Variants in ENPP2 observed in about 807,000 individuals in gnomAD.
The protein encoded by ENPP2 is autotaxin.
A neutral mutation model predicts 120.2 loss-of-function variants in ENPP2; 51 were observed. The ratio of observed to expected loss-of-function variants is 0.42; its 90% CI spans 0.34 to 0.54. The LOEUF (loss-of-function observed/expected upper bound fraction) is 0.54, where lower values mean the gene tolerates loss of function less well. Ranked by LOEUF, ENPP2 falls within the 20% of genes least tolerant of loss-of-function variation. The pLI is 0.04. For missense variants in ENPP2, 920 were observed against 1,066.5 expected, an observed-to-expected ratio of 0.86 and a Z score of 1.91; for synonymous variants, 365 against 366.4, an observed-to-expected ratio of 1.00 and a Z score of 0.04.
At chr8:119,620,802 G>A (rs1356605361) in intron 4 of ENPP2, among the ~76,000 whole-genome samples, 1 of 152,198 alleles carries the variant, frequency 6.6e-6, no homozygotes, top group Non-Finnish European at 1.5e-5. Flanking sequence ...GGGTATAACA[G>A]GAAATGCTGG....
At position 119,617,504 on chromosome 8, in the gene ENPP2, T is replaced by C. The variant is rs777429528; in HGVS notation, c.539A>G (p.Lys180Arg). ...ATTAGGCATGACTTTGCTGCCTTTCTTCATGTATGATGCACGGAAGCCATC... is the reference window on the plus strand; with the variant it reads ...ATTAGGCATGACTTTGCTGCCTTTCCTCATGTATGATGCACGGAAGCCATC... ...SVDGFRASYM[K>R]KGSKVMPNIE... is the part of the protein sequence containing the mutation. The change falls in exon 6 of 25, where the codon AAG (lysine) becomes AGG (arginine). Residue 180 changes from lysine (K) to arginine (R), a missense_variant. Transcript: ENST00000075322. The C allele has an allele frequency of 4.3e-6, 7 of 1,613,680 alleles. No homozygotes were observed. The highest frequency in any genetic ancestry group is 4.5e-5 in the East Asian group (2 of 44,794).
chr8:119,579,998 G>A, intron 19 of ENPP2, 118 bp downstream of exon 19: 1 of 767,152 alleles, frequency 1.3e-6, no homozygotes, highest in Admixed American at 2.1e-5. Flanking sequence ...AAGTCACTTT[G>A]AAATACAAAT....
At chr8:119,632,499 T>C (rs16892902) in intron 2 of ENPP2, among the ~76,000 whole-genome samples, 3,149 of 152,294 alleles carry the variant, frequency 0.021, 111 homozygotes, top group African/African-American at 0.071. Flanking sequence ...GAAAAACAAA[T>C]GTTCATAGCT....
chr8:119,667,382 T>C (rs951770722), intron 1 of ENPP2, among the ~76,000 whole-genome samples: 4 of 152,234 alleles, frequency 2.6e-5, no homozygotes, highest in Admixed American at 1.3e-4. Context: ...CTTTATTGTA[T>C]TGAGCTGAAA....
chr8:119,591,308 A>G (rs565040221), intron 12 of ENPP2, among the ~76,000 whole-genome samples: 2 of 152,368 alleles, frequency 1.3e-5, no homozygotes, highest in South Asian at 4.1e-4. Flanking sequence ...ACTGAAAGCT[A>G]GCAACTAAAG....
intron 19 of ENPP2, chr8:119,578,359 TATTGTTTATAATGA>T (rs767654552): frequency 2.6e-5 from 4 of 152,170 alleles, no homozygotes; most frequent in Non-Finnish European, 5.9e-5. Flanking sequence ...CGGCTGAGGT[TATTGTTTATAATGA>T]ATTGTGAGAC....
At chr8:119,644,207 G>A (rs1187833041) in intron 1 of ENPP2, among the ~76,000 whole-genome samples, 1 of 151,984 alleles carries the variant, frequency 6.6e-6, no homozygotes, top group Non-Finnish European at 1.5e-5. Context: ...ATGAATCAGA[G>A]GGAGTCAAGA....
intron 19 of ENPP2, among the ~76,000 whole-genome samples, chr8:119,573,507 A>G (rs2130155692): frequency 6.6e-6 from 1 of 151,692 alleles, no homozygotes; most frequent in African/African-American, 2.4e-5. Context: ...TATAGATTCA[A>G]CTTGCTTCAG....
At chr8:119,645,225 C>T (rs1428806445) in intron 1 of ENPP2, among the ~76,000 whole-genome samples, 1 of 152,178 alleles carries the variant, frequency 6.6e-6, no homozygotes. Context: ...TCCGCCGCAG[C>T]GTGATGCCTC....
chr8:119,600,877 A>T, intron 10 of ENPP2, 127 bp from the exon 11 acceptor site: 1 of 632,668 alleles, frequency 1.6e-6, no homozygotes, highest in South Asian at 2.2e-5. Flanking sequence ...ACTACTATTC[A>T]TGTTAGCATG....
Position 119,638,487 on chromosome 8 carries a change from C to T in ENPP2, c.74G>A (p.Cys25Tyr). The T allele has an allele frequency of 2.5e-6, 4 of 1,610,600 alleles. No homozygotes were observed. Among genetic ancestry groups the T allele is most frequent in the Non-Finnish European group, 3.4e-6 (4 of 1,176,746 alleles). Residue 25 changes from cysteine to tyrosine, a missense_variant, in exon 2 of 25, where the codon TGC becomes TAC. Coordinates refer to ENST00000075322, the MANE Select transcript of ENPP2 (RefSeq NM_001040092.3). Reference sequence around the variant, plus strand: ...AATTCGATGTGCAGTGAATCCTAAGCAGATATTGACTCCAACGGCAAAAGT... The same window carrying T: ...AATTCGATGTGCAGTGAATCCTAAGTAGATATTGACTCCAACGGCAAAAGT... The part of the protein sequence containing the change: ...LFTFAVGVNI[C>Y]LGFTAHRIKR...
At chr8:119,594,599 A>G (rs759999268) in intron 11 of ENPP2, among the ~76,000 whole-genome samples, 5 of 152,182 alleles carry the variant, frequency 3.3e-5, no homozygotes, top group African/African-American at 4.8e-5. Context: ...AACATTACCC[A>G]TATCTCATTT....
chr8:119,610,871 C>A (rs1815055608), intron 8 of ENPP2, among the ~76,000 whole-genome samples: 1 of 149,580 alleles, frequency 6.7e-6, no homozygotes, highest in Non-Finnish European at 1.5e-5. Flanking sequence ...CCACTGCCCT[C>A]CAGCCTGGAT....
chr8:119,661,350 A>G (rs1447549968), intron 1 of ENPP2, among the ~76,000 whole-genome samples: 3 of 152,204 alleles, frequency 2.0e-5, no homozygotes, highest in Non-Finnish European at 2.9e-5. Context: ...TAATGGTTGA[A>G]GAACCTGAAT....
At chr8:119,624,327 G>A (rs1816120494) in intron 3 of ENPP2, among the ~76,000 whole-genome samples, 1 of 151,952 alleles carries the variant, frequency 6.6e-6, no homozygotes, top group Non-Finnish European at 1.5e-5. Context: ...TAACCTTATT[G>A]GAAAATAAGG....
intron 3 of ENPP2, among the ~76,000 whole-genome samples, chr8:119,624,664 T>C (rs1816147861): frequency 6.6e-6 from 1 of 152,188 alleles, no homozygotes; most frequent in Non-Finnish European, 1.5e-5. Flanking sequence ...TTCAATGGAA[T>C]ATTACATAGC....
chr8:119,623,827 T>C (rs1816084539), intron 3 of ENPP2, among the ~76,000 whole-genome samples: 2 of 152,164 alleles, frequency 1.3e-5, no homozygotes, highest in Non-Finnish European at 2.9e-5. Context: ...GATTTCATCA[T>C]GCTGGCCAGG....
rs374618555 is a variant in ENPP2, at chr8:119,583,810, A to G, written c.1456-6T>C. 5 of 1,560,822 alleles carry G rather than the reference A, an allele frequency of 3.2e-6. No homozygotes were observed. In the African/African-American group the frequency reaches 6.8e-5, roughly 21 times the overall value. On this transcript the variant is annotated splice_polypyrimidine_tract_variant and splice_region_variant and intron_variant, in intron 16 of 24. Transcript: ENST00000075322. Reference sequence around the variant, plus strand: ...CCATAACCTACAAAAACAGTCTTCCAAAAGAAAAGAAAAACAAAAACAGTT... The same window carrying G: ...CCATAACCTACAAAAACAGTCTTCCGAAAGAAAAGAAAAACAAAAACAGTT...
chr8:119,668,475 G>A (rs1818144669), intron 1 of ENPP2, among the ~76,000 whole-genome samples: 1 of 138,852 alleles, frequency 7.2e-6, no homozygotes, highest in South Asian at 2.3e-4. Flanking sequence ...TGTTGCCCAG[G>A]CTGGAGTGCA....
Sources: gnomAD v4.1 joint callset for allele counts (sites outside exome capture counted in the v4.1 genomes callset) on GRCh38, gnomAD v4.1.1 for gene constraint, MANE v1.5 for transcripts, NCBI Gene and HGNC (gene_info 2026-07-23, HGNC 2026-07-21) for gene names.